The following ZNF250 variants were observed in gnomAD, a reference collection of about 807,000 sequenced individuals.
ZNF250 encodes the protein zinc finger protein 250, also known as zinc finger protein (clone 647).
In ZNF250, 13 loss-of-function variants were observed where a neutral mutation model predicts 37.1. That is an observed-to-expected ratio of 0.35 (90% CI 0.23 to 0.56). ZNF250 has a LOEUF of 0.56. Ranked by LOEUF, ZNF250 falls within the 20% of genes least tolerant of loss-of-function variation. ZNF250 has a pLI of 0.87. For synonymous variants in ZNF250, 251 were observed against 265.6 expected (o/e 0.94, Z 0.54); for missense variants, 474 against 697.9 (o/e 0.68, Z 3.61).
intron 1 of ZNF250, among the ~76,000 whole-genome samples, chr8:144,893,064 T>C (rs1832462130): frequency 1.3e-5 from 2 of 151,382 alleles, no homozygotes; most frequent in South Asian, 4.2e-4. Context: ...GTTTTCACCA[T>C]CTTGGTCAGG....
rs1247368678 is a variant in ZNF250, at chr8:144,901,443, C to G, written c.-99G>C. 1 of 152,402 alleles carries G rather than the reference C, an allele frequency of 6.6e-6. No homozygotes were observed. Among genetic ancestry groups the G allele is most frequent in the Non-Finnish European group, 1.5e-5 (1 of 68,196 alleles). 9.4% of individuals were successfully genotyped at this position (152,402 alleles called of 1,614,324 possible). The stretch of plus-strand genomic sequence containing the variant: ...CGCGCGAAGGAACGGCATCCCGCAG[C>G]ACCTTCAGACAAAGGGCTGCCCCGC... On this transcript the variant is annotated 5_prime_UTR_variant, in exon 1 of 6. Transcript: ENST00000417550. This position sits in a 1 kb window ranked among gnomAD's most constrained non-coding sequence, Gnocchi z 5.4.
rs1831407369 is a variant in ZNF250, at chr8:144,880,663, A to C, written c.*852T>G. The C allele has an allele frequency of 2.8e-6, 1 of 356,312 alleles. No individual in the cohort carries two copies. Among genetic ancestry groups the C allele is most frequent in the African/African-American group, 2.1e-5 (1 of 46,944 alleles). 22.1% of individuals were successfully genotyped at this position (356,312 alleles called of 1,614,324 possible). ...AGGATCACTTGAGGCCAGGAGTTCG[A>C]GACCAGCCTGGCCAACACGGTGAAA... is the stretch of plus-strand genomic sequence containing the variant. On this transcript the variant is annotated 3_prime_UTR_variant, in exon 6 of 6. Coordinates refer to ENST00000417550, the MANE Select transcript of ZNF250 (RefSeq NM_001109689.4).
At position 144,897,413 on chromosome 8, in the gene ZNF250, T is replaced by C. The variant is rs1832792960; in HGVS notation, c.-55+3986A>G. Among the ~76,000 whole-genome samples the C allele has an allele frequency of 6.6e-6, 1 of 152,212 alleles. No homozygotes were observed. The highest frequency in any genetic ancestry group is 1.5e-5 in the Non-Finnish European group (1 of 68,028). On this transcript the variant is annotated intron_variant, in intron 1 of 5. Transcript: ENST00000417550. The surrounding 1 kb of genome is among the most constrained non-coding windows in gnomAD (Gnocchi z 5.2). ...TGACCTAATCTAAACTAACCCTAAC[T>C]AACCTAAACTAACCCTAACCTGCAA...
At position 144,882,952 on chromosome 8, in the gene ZNF250, T is replaced by C. The variant is rs915593750; in HGVS notation, c.347-116A>G. On this transcript the variant is annotated intron_variant, in intron 5 of 5. Coordinates refer to ENST00000417550, the MANE Select transcript of ZNF250 (RefSeq NM_001109689.4). The surrounding 1 kb of genome is among the most constrained non-coding windows in gnomAD (Gnocchi z 5.5). The stretch of plus-strand genomic sequence containing the variant: ...CAAAATCCCTCAATGCACACGTTGG[T>C]GTGAGCTACAGAAGAACAGAACCAC... The C allele has an allele frequency of 4.8e-5, 55 of 1,135,410 alleles. No individual in the cohort carries two copies. The highest frequency in any genetic ancestry group is 6.8e-5 in the Non-Finnish European group (54 of 791,592). The allele number at this position is 1,135,410 out of a possible 1,614,324, so 70.3% of individuals were successfully genotyped here. A position where few individuals can be genotyped will look rare whatever the true frequency, so the allele number is the denominator to read the frequency against.
chr8:144,892,188 G>T (rs760158017), intron 1 of ZNF250, among the ~76,000 whole-genome samples: 1 of 152,184 alleles, frequency 6.6e-6, no homozygotes, highest in African/African-American at 2.4e-5. Context: ...CCCTCCAAAT[G>T]TGTGTGTGAG....
rs561411680 is a variant in ZNF250 at position 144,897,864 on chromosome 8, C to T, written c.-55+3535G>A. ...AGGAGCATGTCCTTAAGGCACAGAT[C>T]GCTCATGCTATTGTTTGTGGCTTAA... is the stretch of plus-strand genomic sequence containing the variant. On this transcript the variant is annotated intron_variant, in intron 1 of 5. Transcript: ENST00000417550. The surrounding 1 kb of genome is among the most constrained non-coding windows in gnomAD (Gnocchi z 5.2). 4.6e-5 allele frequency among the ~76,000 whole-genome samples: 7 copies of T among 152,320 alleles called. No homozygotes were observed. The highest frequency in any genetic ancestry group is 3.9e-4 in the East Asian group (2 of 5,190).
chr8:144,889,785 A>T, intron 3 of ZNF250, 91 bp from the exon 4 acceptor site: 1 of 1,466,756 alleles, frequency 6.8e-7, no homozygotes, highest in Non-Finnish European at 9.2e-7. Context: ...GAAAATGGAC[A>T]GGACTGATCT....
intron 4 of ZNF250, among the ~76,000 whole-genome samples, chr8:144,888,156 C>T (rs138332278): frequency 1.1e-3 from 169 of 152,336 alleles, no homozygotes; most frequent in Admixed American, 3.5e-3. Context: ...TGGATCTATG[C>T]ACCATCTTTC....
Position 144,890,038 on chromosome 8 carries a change from C to A in ZNF250, c.64G>T (p.Val22Leu). The A allele has an allele frequency of 6.2e-7, 1 of 1,613,046 alleles. No individual in the cohort carries two copies. Among genetic ancestry groups the A allele is most frequent in the Non-Finnish European group, 8.5e-7 (1 of 1,179,496 alleles). The stretch of plus-strand genomic sequence containing the variant: ...TCATCCTGGGAGAGGAGCACAGCCA[C>A]ATCCTCGAAGGTCAGCTTGGCCTGG... ...GPQAKLTFED[V>L]AVLLSQDEWD... Residue 22 changes from valine (V) to leucine (L), a missense_variant, in exon 3 of 6, where the codon GTG becomes TTG. This residue lies in a region of ZNF250 where 192 missense variants were observed against 227.5 expected (regional missense o/e 0.84). Transcript: ENST00000417550. The surrounding 1 kb of genome is among the most constrained non-coding windows in gnomAD (Gnocchi z 5.1).
rs750330117 is a variant in ZNF250 at position 144,881,920 on chromosome 8, G to A, written c.1263C>T (p.Tyr421=). 36 of 1,612,902 alleles carry A rather than the reference G, an allele frequency of 2.2e-5. No homozygotes were observed. Among genetic ancestry groups the A allele is most frequent in the Non-Finnish European group, 2.6e-5 (31 of 1,179,748 alleles). The change falls in exon 6 of 6, where the codon TAC becomes TAT. Residue 421 remains tyrosine, a synonymous_variant. Coordinates refer to ENST00000417550, the MANE Select transcript of ZNF250 (RefSeq NM_001109689.4). ...IHTEEKPYAC[Y]ECGKAFVQHS... is the part of the protein sequence containing the mutation. ...GCTGAACGAAGGCCTTCCCACATTC[G>A]TAGCATGCATAGGGCTTTTCCTCGG...
chr8:144,898,314 TAAAC>T (rs1450025935), intron 1 of ZNF250, among the ~76,000 whole-genome samples: 31 of 149,732 alleles, frequency 2.1e-4, no homozygotes, highest in South Asian at 6.3e-4. Context: ...AAAAAGCAAA[TAAAC>T]AAACAAACAA....
chr8:144,886,905 G>A lies in ZNF250; in HGVS notation c.284-3C>T, dbSNP rs1374937042. ...AGTGTGGTCATATTTGAGGTTGTCT[G>A]GAAAAAAAACAGCGAGTTGAAGTGA... On this transcript the variant is annotated splice_polypyrimidine_tract_variant and splice_region_variant and intron_variant, in intron 4 of 5. Coordinates refer to ENST00000417550, the MANE Select transcript of ZNF250 (RefSeq NM_001109689.4). 6.2e-7 allele frequency: 1 copy of A among 1,613,076 alleles called. No individual in the cohort carries two copies.
chr8:144,880,483 G>A lies in ZNF250; in HGVS notation c.*1032C>T. ...TCTGCAGGTCATAAGGGCAAGTTTT[G>A]AGGAAAATACCCATTTTTGAGTTGA... On this transcript the variant is annotated 3_prime_UTR_variant, in exon 6 of 6. Coordinates refer to ENST00000417550, the MANE Select transcript of ZNF250 (RefSeq NM_001109689.4). The A allele has an allele frequency of 2.2e-6, 1 of 456,750 alleles. No individual in the cohort carries two copies. Among genetic ancestry groups the A allele is most frequent in the Non-Finnish European group, 4.4e-6 (1 of 226,982 alleles). 28.3% of individuals were successfully genotyped at this position (456,750 alleles called of 1,614,324 possible). A position where few individuals can be genotyped will look rare whatever the true frequency, so the allele number is the denominator to read the frequency against.
At chr8:144,884,816 C>G (rs1831753236) in intron 5 of ZNF250, among the ~76,000 whole-genome samples, 1 of 152,008 alleles carries the variant, frequency 6.6e-6, no homozygotes, top group Non-Finnish European at 1.5e-5. Flanking sequence ...TATTAGCTGC[C>G]CTGCATCCTC....
At chr8:144,887,083 T>C (rs760357064) in intron 4 of ZNF250, among the ~76,000 whole-genome samples, 181 bp from the exon 5 acceptor site, 1 of 151,762 alleles carries the variant, frequency 6.6e-6, no homozygotes, top group Non-Finnish European at 1.5e-5. Flanking sequence ...ACCCCGTCTC[T>C]ACTAAAAAAT....
intron 1 of ZNF250, among the ~76,000 whole-genome samples, chr8:144,898,222 G>C (rs1367060183): frequency 6.6e-6 from 1 of 152,214 alleles, no homozygotes; most frequent in East Asian, 1.9e-4. Context: ...GCTTGAACCT[G>C]GGAGGTGGAG....
intron 1 of ZNF250, among the ~76,000 whole-genome samples, chr8:144,894,556 G>A (rs1409543178): frequency 6.7e-6 from 1 of 149,852 alleles, no homozygotes; most frequent in African/African-American, 2.5e-5. Context: ...AGCAGACCAA[G>A]AAGCAGGCCC....
intron 1 of ZNF250, among the ~76,000 whole-genome samples, chr8:144,900,220 A>G (rs2129921048): frequency 6.6e-6 from 1 of 152,260 alleles, no homozygotes; most frequent in Admixed American, 6.5e-5. Flanking sequence ...CCAGGGCGGG[A>G]ATGTCAATGG....
At chr8:144,898,780 T>C (rs1301400648) in intron 1 of ZNF250, among the ~76,000 whole-genome samples, 1 of 152,072 alleles carries the variant, frequency 6.6e-6, no homozygotes. Flanking sequence ...AGGTAAATGA[T>C]CTGAGTAATT....
Sources: allele counts gnomAD v4.1 joint callset (sites outside exome capture counted in the v4.1 genomes callset), GRCh38; gene constraint gnomAD v4.1.1; regional missense constraint gnomAD v4.1.1; non-coding constraint Gnocchi (gnomAD v3.1); transcripts MANE v1.5; gene names NCBI Gene and HGNC (gene_info 2026-07-23, HGNC 2026-07-21).